Variants in RNASEH2C observed in about 807,000 individuals in gnomAD.
The protein encoded by RNASEH2C is RNase H1 small subunit.
A neutral mutation model predicts 16.3 loss-of-function variants in RNASEH2C; 20 were observed. The ratio of observed to expected loss-of-function variants is 1.23; its 90% CI spans 0.86 to 1.79. The LOEUF (loss-of-function observed/expected upper bound fraction) is 1.79. RNASEH2C is among the 40% of genes most tolerant of loss of function. The pLI is 0.00. For synonymous variants in RNASEH2C, 106 were observed against 98.9 expected (o/e 1.07, Z -0.43); for missense variants, 296 against 235.9 (o/e 1.25, Z -1.67).
chr11:65,720,523 C>G, intron 1 of RNASEH2C, 64 bp downstream of exon 1: 1 of 1,548,314 alleles, frequency 6.5e-7, no homozygotes. Context: ...GGAGCCCAGG[C>G]GATGAGAAGC....
chr11:65,720,758 TCCTC>T lies in RNASEH2C; in HGVS notation c.-4_-1del, dbSNP rs1333471827. The T allele has an allele frequency of 1.3e-5, 20 of 1,587,290 alleles. No homozygotes were observed. Among genetic ancestry groups the T allele is most frequent in the African/African-American group, 9.4e-5 (7 of 74,168 alleles). ...ATGGCCGCTTCGTCGCCGCTCTCCATCCTCCCTCCTACGCGACGCCAGGGCTCGC... is the reference window on the plus strand; with the variant it reads ...ATGGCCGCTTCGTCGCCGCTCTCCATCCTCCTACGCGACGCCAGGGCTCGC... On this transcript the variant is annotated 5_prime_UTR_variant, in exon 1 of 4. Transcript: ENST00000308418.
rs1857345534 is a variant in RNASEH2C at position 65,720,090 on chromosome 11, A to C, written c.423T>G (p.Asp141Glu). The change falls in exon 3 of 4, where the codon GAT (aspartate) becomes GAG (glutamate). Residue 141 changes from aspartate (D) to glutamate (E), a missense_variant. Physicochemically the swap from Asp to Glu is conservative, Grantham distance 45 (BLOSUM62 2). Transcript: ENST00000308418. ...AAGTTAAGGCCCCACGCACTTTGGC[A>C]TCCGGGCCAGGGATGGTCTCCAGAC... ...LWGLETIPGP[D>E]AKVRGALTWP... 1 of 1,614,194 alleles carries C rather than the reference A, an allele frequency of 6.2e-7. No individual in the cohort carries two copies. Among genetic ancestry groups the C allele is most frequent in the East Asian group, 2.2e-5 (1 of 44,886 alleles).
Position 65,719,210 on chromosome 11 carries a change from C to G in RNASEH2C, c.*573G>C. The G allele has an allele frequency of 6.2e-7, 1 of 1,609,746 alleles. No homozygotes were observed. The highest frequency in any genetic ancestry group is 8.5e-7 in the Non-Finnish European group (1 of 1,178,320). On this transcript the variant is annotated 3_prime_UTR_variant, in exon 4 of 4. Transcript: ENST00000308418. ...GACACTGCCCACTGCAGTGCCAAGA[C>G]GGCAGCAGGACTGGGGCTGATAGCC... is the stretch of plus-strand genomic sequence containing the variant.
rs1857267767 is a variant in RNASEH2C, at chr11:65,718,173, T to C, written c.*1610A>G. 1 of 162,176 alleles carries C rather than the reference T, an allele frequency of 6.2e-6. No individual in the cohort carries two copies. Among genetic ancestry groups the C allele is most frequent in the East Asian group, 1.8e-4 (1 of 5,626 alleles). The allele number at this position is 162,176 out of a possible 1,614,324, so 10.0% of individuals were successfully genotyped here. ...CCCAAGGTCCCAGCTAGGAGGACTT[T>C]GAGAATTCAAGCATTCTCAGGTCTG... On this transcript the variant is annotated 3_prime_UTR_variant, in exon 4 of 4. Transcript: ENST00000308418.
chr11:65,720,589 TC>T lies in RNASEH2C; in HGVS notation c.169del (p.Glu57ArgfsTer27). 1.3e-6 allele frequency: 2 copies of T among 1,532,770 alleles called. No homozygotes were observed. Among genetic ancestry groups the T allele is most frequent in the Non-Finnish European group, 1.7e-6 (2 of 1,143,088 alleles). The allele number at this position is 1,532,770 out of a possible 1,614,324, so 94.9% of individuals were successfully genotyped here. Reference sequence around the variant, plus strand: ...CGTAGTCCGGCCGCAGGGCTCACCCTCGGGGCCCTGGCGGATGGCGGGCGTG... The same window carrying T: ...CGTAGTCCGGCCGCAGGGCTCACCCTGGGGCCCTGGCGGATGGCGGGCGTG... ...FFTPAIRQGP[E>X]GLEVSFRGRC... On this transcript the variant is annotated frameshift_variant, in exon 1 of 4. Transcript: ENST00000308418. LOFTEE classifies it high-confidence loss of function.
At position 65,718,725 on chromosome 11, in the gene RNASEH2C, G is replaced by C. The variant is rs937983227; in HGVS notation, c.*1058C>G. The C allele has an allele frequency of 6.2e-6, 10 of 1,614,058 alleles. No homozygotes were observed. Among genetic ancestry groups the C allele is most frequent in the African/African-American group, 1.3e-5 (1 of 74,910 alleles). On this transcript the variant is annotated 3_prime_UTR_variant, in exon 4 of 4. Coordinates refer to ENST00000308418, the MANE Select transcript of RNASEH2C (RefSeq NM_032193.4). ...CTGATGGGGCTGAAGTCGGAGAGCG[G>C]GGAGAGGCCACAGATCACCATCAAG...
At chr11:65,720,208 C>G in intron 2 of RNASEH2C, 34 bp downstream of exon 2, 1 of 1,614,272 alleles carries the variant, frequency 6.2e-7, no homozygotes, top group Non-Finnish European at 8.5e-7. Flanking sequence ...CAGCTCCCGC[C>G]CGCACCCCCT....
At chr11:65,719,888 G>A (rs1565213000) in intron 3 of RNASEH2C, 79 bp from the exon 4 acceptor site, 7 of 1,605,670 alleles carry the variant, frequency 4.4e-6, no homozygotes, top group Non-Finnish European at 5.1e-6. Flanking sequence ...GAAGGACCCA[G>A]CTGTTCAGAA....
Position 65,719,740 on chromosome 11 carries a change from C to G in RNASEH2C, c.*43G>C. ...GAATCGGTTCCAAAGAGCTGGTTTA[C>G]TGCTGTGAAGGGATCGCAGCTTTGA... On this transcript the variant is annotated 3_prime_UTR_variant, in exon 4 of 4. Transcript: ENST00000308418. The G allele has an allele frequency of 2.5e-6, 4 of 1,606,138 alleles. No individual in the cohort carries two copies. Among genetic ancestry groups the G allele is most frequent in the Non-Finnish European group, 3.4e-6 (4 of 1,172,996 alleles).
In RNASEH2C at chr11:65,719,098, G is replaced by T; in HGVS notation, c.*685C>A. On this transcript the variant is annotated 3_prime_UTR_variant, in exon 4 of 4. Coordinates refer to ENST00000308418, the MANE Select transcript of RNASEH2C (RefSeq NM_032193.4). Reference sequence around the variant, plus strand: ...GGACATCGTGGATGGCCATGAGCGGGCCATGCTCAAGCGGCTCCTGCGGAT... The same window carrying T: ...GGACATCGTGGATGGCCATGAGCGGTCCATGCTCAAGCGGCTCCTGCGGAT... 6.2e-7 allele frequency: 1 copy of T among 1,614,192 alleles called. No individual in the cohort carries two copies. The highest frequency in any genetic ancestry group is 8.5e-7 in the Non-Finnish European group (1 of 1,180,026).
chr11:65,719,709 G>A lies in RNASEH2C; in HGVS notation c.*74C>T, dbSNP rs1857332422. ...TGCTGTGAAGAGCTCCTTTATTGGG[G>A]TGATGGAATCGGTTCCAAAGAGCTG... On this transcript the variant is annotated 3_prime_UTR_variant, in exon 4 of 4. Coordinates refer to ENST00000308418, the MANE Select transcript of RNASEH2C (RefSeq NM_032193.4). The A allele has an allele frequency of 2.6e-6, 4 of 1,510,776 alleles. No individual in the cohort carries two copies. The highest frequency in any genetic ancestry group is 3.7e-6 in the Non-Finnish European group (4 of 1,087,290). 93.6% of individuals were successfully genotyped at this position (1,510,776 alleles called of 1,614,324 possible). A position where few individuals can be genotyped will look rare whatever the true frequency, so the allele number is the denominator to read the frequency against.
Position 65,719,188 on chromosome 11 carries a change from A to C in RNASEH2C, c.*595T>G, listed in dbSNP as rs1310447568. 1 of 1,613,106 alleles carries C rather than the reference A, an allele frequency of 6.2e-7. No homozygotes were observed. The highest frequency in any genetic ancestry group is 1.7e-5 in the Admixed American group (1 of 59,962). ...CAAGAGGGGGAAGTGGTGACCAGAC[A>C]CTGCCCACTGCAGTGCCAAGACGGC... is the stretch of plus-strand genomic sequence containing the variant. On this transcript the variant is annotated 3_prime_UTR_variant, in exon 4 of 4. Coordinates refer to ENST00000308418, the MANE Select transcript of RNASEH2C (RefSeq NM_032193.4).
chr11:65,719,034 C>T lies in RNASEH2C; in HGVS notation c.*749G>A. 2.5e-6 allele frequency: 4 copies of T among 1,614,054 alleles called. No individual in the cohort carries two copies. The highest frequency in any genetic ancestry group is 1.3e-5 in the African/African-American group (1 of 75,030). The stretch of plus-strand genomic sequence containing the variant: ...TGGGCTGACCACCTGCTGAACCCAT[C>T]TCCTCTGCCCAGGGCCAGTACATCC... On this transcript the variant is annotated 3_prime_UTR_variant, in exon 4 of 4. Transcript: ENST00000308418.
In RNASEH2C at chr11:65,718,621, A is replaced by G. The variant is rs11227272; in HGVS notation, c.*1162T>C. 1,137 of 1,614,220 alleles carry G rather than the reference A, an allele frequency of 7.0e-4. 2 individuals are homozygous for G. Among genetic ancestry groups the G allele is most frequent in the Admixed American group, 6.5e-4 (39 of 60,028 alleles). The stretch of plus-strand genomic sequence containing the variant: ...AACTCTCCAAAGTGGAAGGGAAAAC[A>G]GGGACCCCTGAGAAGCCCCTCTCAG... On this transcript the variant is annotated 3_prime_UTR_variant, in exon 4 of 4. Transcript: ENST00000308418.
rs1261343492 is a variant in RNASEH2C at position 65,718,980 on chromosome 11, G to A, written c.*803C>T. On this transcript the variant is annotated 3_prime_UTR_variant, in exon 4 of 4. Transcript: ENST00000308418. The stretch of plus-strand genomic sequence containing the variant: ...GTAGGGAGGCAGGCAGGGGAGACAG[G>A]TGTGTGGGATGCAGAGTGCAGTCCT... 1 of 1,614,024 alleles carries A rather than the reference G, an allele frequency of 6.2e-7. No individual in the cohort carries two copies. The highest frequency in any genetic ancestry group is 8.5e-7 in the Non-Finnish European group (1 of 1,179,980).
rs1001622169 is a variant in RNASEH2C at position 65,719,267 on chromosome 11, A to G, written c.*516T>C. 6.1e-6 allele frequency: 9 copies of G among 1,477,586 alleles called. 1 individual carries two copies. In the South Asian group the frequency reaches 1.1e-4, roughly 18 times the overall value. The allele number at this position is 1,477,586 out of a possible 1,614,324, so 91.5% of individuals were successfully genotyped here. ...GCCCCCACTGCAGCTCCCACAAAGC[A>G]CTCTAAGGGAGATGGGGCTGAGGAC... is the stretch of plus-strand genomic sequence containing the variant. On this transcript the variant is annotated 3_prime_UTR_variant, in exon 4 of 4. Transcript: ENST00000308418.
In RNASEH2C at chr11:65,720,131, G is replaced by A; in HGVS notation, c.382C>T (p.Arg128Cys). ...RFIGATANFS[R>C]FTLWGLETIP... ...GTCTCCAGACCCCACAGGGTGAAGCGGCTGAAGTTGGCAGTGGCTCCAATG... is the reference window on the plus strand; with the variant it reads ...GTCTCCAGACCCCACAGGGTGAAGCAGCTGAAGTTGGCAGTGGCTCCAATG... Residue 128 changes from arginine to cysteine, a missense_variant, in exon 3 of 4, where the codon CGC becomes TGC. Coordinates refer to ENST00000308418, the MANE Select transcript of RNASEH2C (RefSeq NM_032193.4). The A allele has an allele frequency of 6.2e-7, 1 of 1,614,242 alleles. No homozygotes were observed. Among genetic ancestry groups the A allele is most frequent in the Admixed American group, 1.7e-5 (1 of 60,034 alleles).
At chr11:65,719,882 G>T in intron 3 of RNASEH2C, 73 bp from the exon 4 acceptor site, 1 of 1,606,756 alleles carries the variant, frequency 6.2e-7, no homozygotes. Context: ...CCCGAGGAAG[G>T]ACCCAGCTGT....
At chr11:65,720,527 G>A in intron 1 of RNASEH2C, 60 bp downstream of exon 1, 1 of 1,546,892 alleles carries the variant, frequency 6.5e-7, no homozygotes, top group African/African-American at 1.4e-5. Context: ...CCCAGGCGAT[G>A]AGAAGCGCGC....
Sources: allele counts gnomAD v4.1 joint callset, GRCh38; gene constraint gnomAD v4.1.1; transcripts MANE v1.5; gene names NCBI Gene and HGNC (gene_info 2026-07-23, HGNC 2026-07-21).